Variants in RTN4 observed in about 807,000 individuals in gnomAD.
RTN4 encodes the protein reticulon-4.
In RTN4, 32 loss-of-function variants were observed where a neutral mutation model predicts 90.4. That is an observed-to-expected ratio of 0.35 (90% CI 0.27 to 0.48). The LOEUF (loss-of-function observed/expected upper bound fraction) is 0.48, where lower values mean the gene tolerates loss of function less well. Among genes scored for constraint, RTN4 ranks in the 20% least tolerant of loss-of-function variants. RTN4 has a pLI of 0.99. For missense variants in RTN4, 1,706 were observed against 1,430.2 expected, an observed-to-expected ratio of 1.19 and a Z score of -3.11; for synonymous variants, 629 against 552.5, an observed-to-expected ratio of 1.14 and a Z score of -1.94.
At chr2:55,094,760 C>T (rs1669001686) in intron 1 of RTN4, among the ~76,000 whole-genome samples, 3 of 152,116 alleles carry the variant, frequency 2.0e-5, no homozygotes, top group Admixed American at 2.0e-4. Context: ...CACAAGGAAC[C>T]ATGGTGCTAA....
chr2:55,087,285 C>T (rs1007843404), intron 1 of RTN4, among the ~76,000 whole-genome samples: 1 of 152,288 alleles, frequency 6.6e-6, no homozygotes, highest in Non-Finnish European at 1.5e-5. Context: ...TTACTGGAAA[C>T]TGCCAAACAG....
At chr2:54,992,496 A>G (rs1679089046) in intron 3 of RTN4, among the ~76,000 whole-genome samples, 1 of 152,206 alleles carries the variant, frequency 6.6e-6, no homozygotes. Context: ...TAATGTGAAT[A>G]TTTCACCTAC....
intron 3 of RTN4, among the ~76,000 whole-genome samples, chr2:55,021,466 C>CTTTT (rs3214741): frequency 1.4e-5 from 2 of 140,774 alleles, no homozygotes. Flanking sequence ...TGCTTTTACA[C>CTTTT]TTTTTTTTTT....
the RTN4 span, among the ~76,000 whole-genome samples, chr2:55,130,734 A>T: frequency 1.3e-5 from 2 of 152,076 alleles, no homozygotes; most frequent in African/African-American, 4.8e-5. Flanking sequence ...ATCTTGCCAA[A>T]TTTTACAATA....
At chr2:55,121,371 T>C in the RTN4 span, among the ~76,000 whole-genome samples, 68 of 152,322 alleles carry the variant, frequency 4.5e-4, no homozygotes, top group African/African-American at 1.1e-3. Flanking sequence ...ATTGCCCTGG[T>C]AAGAAAACCA....
chr2:55,063,027 A>G (rs898671969), intron 2 of RTN4, among the ~76,000 whole-genome samples: 14 of 152,324 alleles, frequency 9.2e-5, no homozygotes, highest in African/African-American at 2.6e-4. Flanking sequence ...TAGAGGGAAG[A>G]AGCCTAGGTC....
upstream of RTN4, chr2:55,050,903 A>C (rs1307757198): frequency 6.6e-6 from 1 of 152,166 alleles, no homozygotes; most frequent in Non-Finnish European, 1.5e-5. This position sits in a 1 kb window ranked among gnomAD's most constrained non-coding sequence, Gnocchi z 4.6. Context: ...CGCCACCGGA[A>C]GGGCGTTATC....
chr2:55,108,207 G>A lies in RTN4; in HGVS notation c.-214+4313C>T, dbSNP rs181805293. On this transcript the variant is annotated intron_variant, in intron 1 of 3. Transcript: ENST00000427710. ...TGACTTCAGGTGATCCACCTGCCTC[G>A]GCCTCCCAAAGTGCTGTGATTACAG... Among the ~76,000 whole-genome samples, 301 of 152,126 alleles carry A rather than the reference G, an allele frequency of 2.0e-3. 1 individual carries two copies. Among genetic ancestry groups the A allele is most frequent in the African/African-American group, 7.0e-3 (289 of 41,482 alleles).
rs752175256 is a variant in RTN4 at position 54,973,593 on chromosome 2, G to C, written c.3506C>G (p.Ala1169Gly). 3 of 1,610,122 alleles carry C rather than the reference G, an allele frequency of 1.9e-6. No homozygotes were observed. The highest frequency in any genetic ancestry group is 2.5e-6 in the Non-Finnish European group (3 of 1,176,502). ...CATAGCATCTTTAACATTCTTATTTGCAAGTCCTAGATAATGATCTATCTG... is the reference window on the plus strand; with the variant it reads ...CATAGCATCTTTAACATTCTTATTTCCAAGTCCTAGATAATGATCTATCTG... ...QAQIDHYLGL[A>G]NKNVKDAMAK... is the part of the protein sequence containing the mutation. The change falls in exon 8 of 9, where the codon GCA becomes GGA. Residue 1169 changes from alanine to glycine, a missense_variant. Transcript: ENST00000337526.
At chr2:55,090,722 C>T (rs1313844225) in intron 1 of RTN4, among the ~76,000 whole-genome samples, 1 of 152,146 alleles carries the variant, frequency 6.6e-6, no homozygotes, top group Admixed American at 6.5e-5. Context: ...TCCAATTGCT[C>T]ATACAATTTC....
At chr2:54,982,459 A>C (rs1302980781) in intron 5 of RTN4, 56 bp downstream of exon 5, 1 of 1,471,412 alleles carries the variant, frequency 6.8e-7, no homozygotes, top group East Asian at 2.3e-5. Flanking sequence ...TTTACACTCA[A>C]CTCTCTTGAT....
At chr2:55,006,222 A>G (rs1305751936) in intron 3 of RTN4, among the ~76,000 whole-genome samples, 1 of 152,148 alleles carries the variant, frequency 6.6e-6, no homozygotes, top group Non-Finnish European at 1.5e-5. Context: ...TCTATAACAC[A>G]TACCTATGTA....
At chr2:54,992,469 C>A (rs1573320177) in intron 3 of RTN4, among the ~76,000 whole-genome samples, 2 of 152,136 alleles carry the variant, frequency 1.3e-5, no homozygotes, top group African/African-American at 2.4e-5. Flanking sequence ...ATAGTTTAAT[C>A]AATAAGGGAC....
At chr2:54,987,863 C>T (rs539849004) in intron 3 of RTN4, among the ~76,000 whole-genome samples, 165 bp from the exon 4 acceptor site, 2 of 152,252 alleles carry the variant, frequency 1.3e-5, no homozygotes, top group East Asian at 3.9e-4. Flanking sequence ...CATTTTAAAC[C>T]CACTCTTAGT....
At chr2:55,038,145 C>T (rs114507758) in intron 1 of RTN4, among the ~76,000 whole-genome samples, 158 of 152,132 alleles carry the variant, frequency 1.0e-3, no homozygotes, top group African/African-American at 3.6e-3. Context: ...TACCTCAAAA[C>T]GGATCAAGAC....
chr2:55,042,758 A>G (rs1319656924), intron 1 of RTN4, among the ~76,000 whole-genome samples: 2 of 152,186 alleles, frequency 1.3e-5, no homozygotes, highest in African/African-American at 4.8e-5. Context: ...TTTCTCATTC[A>G]ACAAACTGAG....
intron 3 of RTN4, among the ~76,000 whole-genome samples, chr2:55,005,346 T>C (rs867491790): frequency 1.3e-5 from 2 of 152,182 alleles, no homozygotes; most frequent in African/African-American, 2.4e-5. Context: ...ATTTCCACCA[T>C]TGCTCCCACT....
chr2:55,123,079 T>C, the RTN4 span, among the ~76,000 whole-genome samples: 2 of 152,196 alleles, frequency 1.3e-5, no homozygotes, highest in Non-Finnish European at 2.9e-5. Flanking sequence ...TAGAGACCAT[T>C]GCATCAGCAG....
intron 4 of RTN4, 88 bp downstream of exon 4, chr2:54,987,403 T>C: frequency 1.0e-6 from 1 of 988,460 alleles, no homozygotes; most frequent in Admixed American, 1.7e-5. Flanking sequence ...AAATGCATGC[T>C]TGTAACTCTA....
Sources: allele counts gnomAD v4.1 joint callset (sites outside exome capture counted in the v4.1 genomes callset), GRCh38; gene constraint gnomAD v4.1.1; non-coding constraint Gnocchi (gnomAD v3.1); transcripts MANE v1.5; gene names NCBI Gene and HGNC (gene_info 2026-07-23, HGNC 2026-07-21).